Variants in NWD2 observed in about 807,000 individuals in gnomAD.
NWD2 encodes the protein NACHT and WD repeat domain containing 2.
A neutral mutation model predicts 132.7 loss-of-function variants in NWD2; 37 were observed. The observed-to-expected ratio is 0.28, with a 90% CI of 0.21 to 0.37. The LOEUF (loss-of-function observed/expected upper bound fraction) is 0.37. Ranked by LOEUF, NWD2 falls within the 10% of genes least tolerant of loss-of-function variation. The probability of loss-of-function intolerance (pLI) is 1.00; values close to 1 mark genes in which losing one functional copy is unlikely to be tolerated. For missense variants in NWD2, 1,592 were observed against 2,122.4 expected, an observed-to-expected ratio of 0.75 and a Z score of 4.91; for synonymous variants, 705 against 803.0, an observed-to-expected ratio of 0.88 and a Z score of 2.06.
intron 3 of NWD2, among the ~76,000 whole-genome samples, chr4:37,395,584 CAAAAAAAAAAAAA>C (rs1156884728): frequency 2.2e-4 from 4 of 18,276 alleles, no homozygotes; most frequent in African/African-American, 5.8e-4. Flanking sequence ...AACTCTGTCT[CAAAAAAAAAAAAA>C]AAAAAAAAAA....
chr4:37,341,393 T>C (rs1217678090), intron 2 of NWD2, among the ~76,000 whole-genome samples: 1 of 152,250 alleles, frequency 6.6e-6, no homozygotes, highest in Admixed American at 6.5e-5. Flanking sequence ...GAAGAATCTA[T>C]ATCTATATTT....
intron 3 of NWD2, among the ~76,000 whole-genome samples, chr4:37,402,766 C>T (rs1720921746): frequency 6.6e-6 from 1 of 152,156 alleles, no homozygotes; most frequent in African/African-American, 2.4e-5. Flanking sequence ...TTTGGGAAGA[C>T]TCAATTTCCT....
chr4:37,413,130 TG>T (rs1327649545), intron 3 of NWD2, among the ~76,000 whole-genome samples: 2 of 152,186 alleles, frequency 1.3e-5, no homozygotes, highest in Non-Finnish European at 2.9e-5. Flanking sequence ...TGGGATCTAA[TG>T]AAACTAAAGA....
chr4:37,267,555 C>T (rs1717780730), intron 1 of NWD2, among the ~76,000 whole-genome samples: 2 of 151,844 alleles, frequency 1.3e-5, no homozygotes, highest in African/African-American at 4.8e-5. Context: ...AAAGCTGTGG[C>T]CTTTGAATTG....
intron 2 of NWD2, among the ~76,000 whole-genome samples, chr4:37,353,526 G>A (rs1719812280): frequency 6.6e-6 from 1 of 151,972 alleles, no homozygotes; most frequent in Non-Finnish European, 1.5e-5. Context: ...CATATTTCTT[G>A]GAAGCTTTGT....
At chr4:37,322,490 C>T (rs1041856029) in intron 1 of NWD2, among the ~76,000 whole-genome samples, 2 of 152,114 alleles carry the variant, frequency 1.3e-5, no homozygotes, top group African/African-American at 4.8e-5. Context: ...CAAGTGAAAG[C>T]CAGTGCTTCT....
rs752940758 is a variant in NWD2, at chr4:37,446,914, C to T, written c.4926C>T (p.Ile1642=). Residue 1642 remains isoleucine, a synonymous_variant, in exon 7 of 7, where the codon ATC becomes ATT. Transcript: ENST00000309447. The surrounding 1 kb of genome is among the most constrained non-coding windows in gnomAD (Gnocchi z 6.7). ...IVGFDDGSIG[I]YTVVDRVDAA... Reference sequence around the variant, plus strand: ...GCTTTGATGATGGGAGTATAGGGATCTACACGGTAGTAGACCGTGTAGATG... The same window carrying T: ...GCTTTGATGATGGGAGTATAGGGATTTACACGGTAGTAGACCGTGTAGATG... The T allele has an allele frequency of 3.2e-5, 49 of 1,551,628 alleles. No individual in the cohort carries two copies. The highest frequency in any genetic ancestry group is 4.0e-5 in the Non-Finnish European group (46 of 1,147,006).
At chr4:37,317,960 A>G (rs564328207) in intron 1 of NWD2, among the ~76,000 whole-genome samples, 6 of 149,560 alleles carry the variant, frequency 4.0e-5, no homozygotes, top group Non-Finnish European at 5.9e-5. Context: ...TCGCTCATTC[A>G]TTTATTGAGT....
chr4:37,326,127 G>GA lies in NWD2; in HGVS notation c.240+109dup, dbSNP rs914158631. 8 of 663,342 alleles carry GA rather than the reference G, an allele frequency of 1.2e-5. No homozygotes were observed. In the African/African-American group the frequency reaches 1.5e-4, roughly 12 times the overall value. The allele number at this position is 663,342 out of a possible 1,614,324, so 41.1% of individuals were successfully genotyped here. A position where few individuals can be genotyped will look rare whatever the true frequency, so the allele number is the denominator to read the frequency against. ...TTGTAAAAGACAAGTTTTAGGCCCT[G>GA]AAAAAATTTATTTCTTCAAGCATGG... On this transcript the variant is annotated intron_variant, in intron 2 of 6. Coordinates refer to ENST00000309447, the MANE Select transcript of NWD2 (RefSeq NM_001144990.2).
chr4:37,252,780 G>A (rs1222805598), intron 1 of NWD2, among the ~76,000 whole-genome samples: 1 of 152,106 alleles, frequency 6.6e-6, no homozygotes, highest in Non-Finnish European at 1.5e-5. Flanking sequence ...ATAGGGGATT[G>A]GCTTCCTCAG....
intron 1 of NWD2, among the ~76,000 whole-genome samples, chr4:37,311,621 A>G (rs1264222744): frequency 6.1e-5 from 9 of 148,480 alleles, no homozygotes; most frequent in Non-Finnish European, 1.3e-4. Context: ...TTTGCTGTGC[A>G]GAAGCTCTTT....
chr4:37,283,755 A>G (rs1310078126), intron 1 of NWD2, among the ~76,000 whole-genome samples: 1 of 152,194 alleles, frequency 6.6e-6, no homozygotes, highest in Non-Finnish European at 1.5e-5. Flanking sequence ...TCTGAGGAGT[A>G]TAAGATAATT....
chr4:37,318,715 T>G (rs1372672561), intron 1 of NWD2, among the ~76,000 whole-genome samples: 1 of 148,814 alleles, frequency 6.7e-6, no homozygotes, highest in African/African-American at 2.6e-5. Flanking sequence ...TGTAAAATTA[T>G]AATAATATTA....
At chr4:37,301,377 G>A (rs1718608874) in intron 1 of NWD2, among the ~76,000 whole-genome samples, 1 of 152,052 alleles carries the variant, frequency 6.6e-6, no homozygotes, top group Non-Finnish European at 1.5e-5. Context: ...AACAAATCTG[G>A]GAAATATTTA....
At chr4:37,441,759 G>A (rs111329908) in intron 6 of NWD2, among the ~76,000 whole-genome samples, 4,381 of 152,234 alleles carry the variant, frequency 0.029, 212 homozygotes, top group African/African-American at 0.099. Flanking sequence ...CCTTTCTCCT[G>A]GGGAATGTCT....
At chr4:37,272,186 A>G (rs1717884209) in intron 1 of NWD2, among the ~76,000 whole-genome samples, 1 of 151,610 alleles carries the variant, frequency 6.6e-6, no homozygotes, top group Non-Finnish European at 1.5e-5. Flanking sequence ...ACCTTTTTAT[A>G]TATTGCTGTG....
At chr4:37,273,906 G>C (rs1204939112) in intron 1 of NWD2, among the ~76,000 whole-genome samples, 1 of 151,992 alleles carries the variant, frequency 6.6e-6, no homozygotes, top group South Asian at 2.1e-4. Context: ...CAACATACCA[G>C]AATCTCTGGG....
chr4:37,265,216 G>A (rs1468644276), intron 1 of NWD2, among the ~76,000 whole-genome samples: 1 of 152,052 alleles, frequency 6.6e-6, no homozygotes, highest in African/African-American at 2.4e-5. Flanking sequence ...AAATGATATA[G>A]TTCTAATATT....
At chr4:37,380,196 C>A (rs771239798) in intron 3 of NWD2, among the ~76,000 whole-genome samples, 5 of 152,176 alleles carry the variant, frequency 3.3e-5, no homozygotes, top group Non-Finnish European at 5.9e-5. Context: ...GGCTACTAGG[C>A]TAGAAAATTG....
Sources: gnomAD v4.1 joint callset for allele counts (sites outside exome capture counted in the v4.1 genomes callset) on GRCh38, gnomAD v4.1.1 for gene constraint, Gnocchi (gnomAD v3.1) non-coding constraint, MANE v1.5 for transcripts, NCBI Gene and HGNC (gene_info 2026-07-23, HGNC 2026-07-21) for gene names.